UNC5B: variants seen among roughly 807,000 people sequenced by gnomAD.
UNC5B encodes netrin receptor UNC5B.
A neutral mutation model predicts 103.7 loss-of-function variants in UNC5B; 56 were observed. The ratio of observed to expected loss-of-function variants is 0.54; its 90% CI spans 0.44 to 0.67. UNC5B has a LOEUF of 0.67. Ranked by LOEUF, UNC5B falls within the 30% of genes least tolerant of loss-of-function variation. UNC5B has a pLI of 0.00. For synonymous variants in UNC5B, 577 were observed against 542.0 expected (o/e 1.06, Z -0.90); for missense variants, 1,194 against 1,284.5 (o/e 0.93, Z 1.08).
chr10:71,222,191 G>C (rs1484064025), intron 1 of UNC5B, among the ~76,000 whole-genome samples: 1 of 152,124 alleles, frequency 6.6e-6, no homozygotes, highest in African/African-American at 2.4e-5. Context: ...GCCCTGGTAG[G>C]GGATGTGTAC....
Position 71,291,043 on chromosome 10 carries a change from A to G in UNC5B, c.1228A>G (p.Ile410Val), listed in dbSNP as rs1845238901. The change falls in exon 9 of 17, where the codon ATC becomes GTC. Residue 410 changes from isoleucine to valine, a missense_variant. Transcript: ENST00000335350. Reference sequence around the variant, plus strand: ...CAACTGCCGTGACTTCGACACAGACATCACTGACTCATCTGCTGCCCTGAC... The same window carrying G: ...CAACTGCCGTGACTTCGACACAGACGTCACTGACTCATCTGCTGCCCTGAC... ...RRNCRDFDTDITDSSAALTGG... is the reference protein window; with the variant it reads ...RRNCRDFDTDVTDSSAALTGG... The G allele has an allele frequency of 6.2e-7, 1 of 1,614,182 alleles. No individual in the cohort carries two copies. The highest frequency in any genetic ancestry group is 2.2e-5 in the East Asian group (1 of 44,872).
At chr10:71,288,774 G>A in intron 7 of UNC5B, 42 bp downstream of exon 7, 1 of 1,566,556 alleles carries the variant, frequency 6.4e-7, no homozygotes, top group South Asian at 1.2e-5. Context: ...TGGGGACTCT[G>A]GAGCCATGTA....
At chr10:71,264,061 G>A (rs796687560) in intron 1 of UNC5B, among the ~76,000 whole-genome samples, 4 of 152,338 alleles carry the variant, frequency 2.6e-5, no homozygotes, top group African/African-American at 9.6e-5. Context: ...CTTTCCAGAG[G>A]AAGCAGTCAG....
At chr10:71,242,389 A>G (rs760737178) in intron 1 of UNC5B, among the ~76,000 whole-genome samples, 15 of 152,180 alleles carry the variant, frequency 9.9e-5, no homozygotes, top group Admixed American at 2.0e-4. Flanking sequence ...AGCAGAGAGG[A>G]AAGACTGCTG....
intron 1 of UNC5B, among the ~76,000 whole-genome samples, chr10:71,245,197 C>T (rs540100780): frequency 3.3e-5 from 5 of 152,222 alleles, no homozygotes; most frequent in Non-Finnish European, 7.3e-5. Context: ...ATAACACCAT[C>T]TCTCTGGGAG....
In UNC5B at chr10:71,256,249, T is replaced by C. The variant is rs796102901; in HGVS notation, c.80-23572T>C. On this transcript the variant is annotated intron_variant, in intron 1 of 16. Transcript: ENST00000335350. ...TGGACGAGTACCCGCCACACCCCTA[T>C]GCTGCTGCCACTCACACAGCCACTC... 2.6e-5 allele frequency among the ~76,000 whole-genome samples: 4 copies of C among 152,278 alleles called. 1 individual carries two copies. Among genetic ancestry groups the C allele is most frequent in the African/African-American group, 9.6e-5 (4 of 41,560 alleles).
At chr10:71,263,428 G>A (rs919099259) in intron 1 of UNC5B, among the ~76,000 whole-genome samples, 5 of 152,210 alleles carry the variant, frequency 3.3e-5, no homozygotes, top group African/African-American at 1.2e-4. Flanking sequence ...GGCAGCCAGG[G>A]CACGGGGGAG....
chr10:71,293,978 G>T (rs1481907070), intron 13 of UNC5B, 45 bp downstream of exon 13: 1 of 1,500,268 alleles, frequency 6.7e-7, no homozygotes, highest in East Asian at 2.4e-5. Context: ...CCGGCCAGCT[G>T]CATGATCCCT....
At chr10:71,261,823 C>G (rs1367703249) in intron 1 of UNC5B, among the ~76,000 whole-genome samples, 1 of 152,180 alleles carries the variant, frequency 6.6e-6, no homozygotes, top group Non-Finnish European at 1.5e-5. Flanking sequence ...GTAATGGTAC[C>G]TGTCCACAGG....
At chr10:71,276,197 G>A (rs949047040) in intron 1 of UNC5B, among the ~76,000 whole-genome samples, 1 of 151,708 alleles carries the variant, frequency 6.6e-6, no homozygotes, top group African/African-American at 2.4e-5. Context: ...AATTACTGAG[G>A]CACTAAAAAT....
chr10:71,239,471 G>C (rs1323669602), intron 1 of UNC5B, among the ~76,000 whole-genome samples: 1 of 152,142 alleles, frequency 6.6e-6, no homozygotes, highest in Non-Finnish European at 1.5e-5. Context: ...GGCTCCTCAT[G>C]CATGTCACTG....
At chr10:71,216,805 T>C (rs970368231) in intron 1 of UNC5B, among the ~76,000 whole-genome samples, 1 of 135,732 alleles carries the variant, frequency 7.4e-6, no homozygotes, top group Non-Finnish European at 1.7e-5. Context: ...CCTAAGACTT[T>C]GGGGATGGGC....
rs13419 is a variant in UNC5B, at chr10:71,299,632, A to G, written c.*355A>G. 0.26 allele frequency: 58,297 copies of G among 222,482 alleles called. 7,781 individuals are homozygous for G. The highest frequency in any genetic ancestry group is 0.27 in the Non-Finnish European group (32,263 of 118,042). 13.8% of individuals were successfully genotyped at this position (222,482 alleles called of 1,614,324 possible). A position where few individuals can be genotyped will look rare whatever the true frequency, so the allele number is the denominator to read the frequency against. ...CTCAGCCCGGCAACTTCTGGGTTCC[A>G]TGGGTTTTAGTTCCGTTCTCGTTTT... On this transcript the variant is annotated 3_prime_UTR_variant, in exon 17 of 17. Coordinates refer to ENST00000335350, the MANE Select transcript of UNC5B (RefSeq NM_170744.5).
rs578008503 is a variant in UNC5B at position 71,301,436 on chromosome 10, GGAGGCT to G, written c.*2163_*2168del. On this transcript the variant is annotated 3_prime_UTR_variant, in exon 17 of 17. Coordinates refer to ENST00000335350, the MANE Select transcript of UNC5B (RefSeq NM_170744.5). ...CAGGGGCTAGGCTCTGGCTGGGCCC[GGAGGCT>G]GAGACTAAGGCTTTCGACCCTGGTG... 6.6e-6 allele frequency: 1 copy of G among 152,374 alleles called. No individual in the cohort carries two copies. Among genetic ancestry groups the G allele is most frequent in the Non-Finnish European group, 1.5e-5 (1 of 68,052 alleles). The allele number at this position is 152,374 out of a possible 1,614,324, so 9.4% of individuals were successfully genotyped here.
In UNC5B at chr10:71,290,959, G is replaced by A. The variant is rs149315614; in HGVS notation, c.1144G>A (p.Val382Met). The change falls in exon 9 of 17, where the codon GTG (valine) becomes ATG (methionine). Residue 382 changes from valine (V) to methionine (M), a missense_variant. Val to Met is a conservative substitution (Grantham distance 21). Transcript: ENST00000335350. Reference sequence around the variant, plus strand: ...TGCGGCGCTGTATGCGGGGCTCGTGGTGGCCATCTTCGTGGTCGTGGCAAT... The same window carrying A: ...TGCGGCGCTGTATGCGGGGCTCGTGATGGCCATCTTCGTGGTCGTGGCAAT... ...GDAALYAGLV[V>M]AIFVVVAILM... The A allele has an allele frequency of 1.2e-3, 2,001 of 1,614,028 alleles. 2 individuals are homozygous for A. Among genetic ancestry groups the A allele is most frequent in the Admixed American group, 2.1e-3 (128 of 60,024 alleles).
intron 1 of UNC5B, among the ~76,000 whole-genome samples, chr10:71,220,201 T>C (rs892088134): frequency 3.9e-5 from 6 of 152,222 alleles, no homozygotes; most frequent in African/African-American, 7.2e-5. Context: ...AAAGGCCTTC[T>C]TCTTGGATCT....
intron 1 of UNC5B, among the ~76,000 whole-genome samples, chr10:71,247,528 A>G (rs1189150376): frequency 6.6e-6 from 1 of 152,188 alleles, no homozygotes; most frequent in East Asian, 1.9e-4. Context: ...CAGACGTTGC[A>G]GTCAGCTGGA....
chr10:71,239,210 AG>A lies in UNC5B; in HGVS notation c.79+26149del, dbSNP rs1843835074. On this transcript the variant is annotated intron_variant, in intron 1 of 16. Transcript: ENST00000335350. ...TCAGCTAGTAGATACCTTAGTGTCC[AG>A]GGCTTACTTGCGTTGGGATGGCATT... 2.0e-5 allele frequency among the ~76,000 whole-genome samples: 3 copies of A among 152,320 alleles called. No individual in the cohort carries two copies. The South Asian group carries it at 6.2e-4, about 32-fold the overall frequency.
chr10:71,257,974 CAG>C (rs984866980), intron 1 of UNC5B, among the ~76,000 whole-genome samples: 5 of 152,228 alleles, frequency 3.3e-5, no homozygotes, highest in African/African-American at 1.2e-4. Flanking sequence ...GGTGGGGAAA[CAG>C]AGGCCAGAGG....
Sources: gnomAD v4.1 joint callset for allele counts (sites outside exome capture counted in the v4.1 genomes callset) on GRCh38, gnomAD v4.1.1 for gene constraint, MANE v1.5 for transcripts, NCBI Gene and HGNC (gene_info 2026-07-23, HGNC 2026-07-21) for gene names.